ACVR1: variants seen among roughly 807,000 people sequenced by gnomAD.
ACVR1 encodes the protein activin receptor type-1.
ACVR1 carries 38 observed loss-of-function variants against 57.1 expected under a neutral mutation model. The ratio of observed to expected loss-of-function variants is 0.67; its 90% CI spans 0.51 to 0.87. The LOEUF (loss-of-function observed/expected upper bound fraction) is 0.87. Ranked by LOEUF, ACVR1 falls within the 40% of genes least tolerant of loss-of-function variation. The pLI is 0.00. For missense variants in ACVR1, 463 were observed against 638.2 expected, an observed-to-expected ratio of 0.73 and a Z score of 2.96; for synonymous variants, 212 against 228.1, an observed-to-expected ratio of 0.93 and a Z score of 0.63.
chr2:157,759,603 A>G (rs76249030), intron 9 of ACVR1, among the ~76,000 whole-genome samples: 1,712 of 152,202 alleles, frequency 0.011, 13 homozygotes, highest in Middle Eastern at 0.037. Context: ...GTCCAGAATC[A>G]CCCTGATACC....
rs373193107 is a variant in ACVR1 at position 157,871,901 on chromosome 2, C to G, written c.-183+3895G>C. The stretch of plus-strand genomic sequence containing the variant: ...CATCTGAACCAAAGGCTGTGATGTG[C>G]CAACCACACCAAACTGATGAGGCTC... On this transcript the variant is annotated intron_variant, in intron 1 of 10. Coordinates refer to ENST00000434821, the MANE Select transcript of ACVR1 (RefSeq NM_001111067.4). Among the ~76,000 whole-genome samples the G allele has an allele frequency of 3.6e-4, 55 of 152,266 alleles. No homozygotes were observed. The South Asian group carries it at 9.1e-3, about 25-fold the overall frequency.
At position 157,783,473 on chromosome 2, in the gene ACVR1, T is replaced by A. The variant is rs533651884; in HGVS notation, c.68-2873A>T. On this transcript the variant is annotated intron_variant, in intron 3 of 10. Transcript: ENST00000434821. ...GCTTTAATCCTGCAGGGTCACAAAC[T>A]AAATCAAAGAGATTCATCTGTTTAT... Among the ~76,000 whole-genome samples, 44 of 152,342 alleles carry A rather than the reference T, an allele frequency of 2.9e-4. No individual in the cohort carries two copies. In the South Asian group the frequency reaches 9.1e-3, roughly 32 times the overall value.
intron 3 of ACVR1, among the ~76,000 whole-genome samples, chr2:157,798,953 A>C (rs1244772197): frequency 6.6e-6 from 1 of 150,610 alleles, no homozygotes; most frequent in Non-Finnish European, 1.5e-5. Context: ...CTGGAGTTCA[A>C]TGTCGTGATC....
At chr2:157,766,987 T>C (rs1410995627) in intron 7 of ACVR1, among the ~76,000 whole-genome samples, 1 of 152,090 alleles carries the variant, frequency 6.6e-6, no homozygotes, top group East Asian at 1.9e-4. Context: ...GTAAAGTGAG[T>C]GACTGACAAA....
At chr2:157,758,917 G>C (rs1216717713) in intron 9 of ACVR1, among the ~76,000 whole-genome samples, 1 of 151,834 alleles carries the variant, frequency 6.6e-6, no homozygotes, top group African/African-American at 2.4e-5. Context: ...AAGAAATTAA[G>C]AAGGAAATAA....
intron 1 of ACVR1, among the ~76,000 whole-genome samples, chr2:157,841,187 A>C (rs949602252): frequency 3.2e-4 from 49 of 152,168 alleles, no homozygotes; most frequent in African/African-American, 1.2e-3. Context: ...AAGTTGAAAA[A>C]GATATAAATA....
chr2:157,803,823 A>G (rs565764862), intron 2 of ACVR1, among the ~76,000 whole-genome samples: 11 of 152,248 alleles, frequency 7.2e-5, no homozygotes, highest in African/African-American at 2.6e-4. Context: ...TGTAGGCTAC[A>G]TCTCTTGATA....
At chr2:157,766,517 A>G (rs906134603) in intron 7 of ACVR1, among the ~76,000 whole-genome samples, 1 of 152,216 alleles carries the variant, frequency 6.6e-6, no homozygotes, top group Non-Finnish European at 1.5e-5. Flanking sequence ...GCCCTTCAGC[A>G]TGTTGATATT....
chr2:157,780,196 G>A (rs1686450745), intron 4 of ACVR1, 141 bp downstream of exon 4: 8 of 1,225,642 alleles, frequency 6.5e-6, no homozygotes, highest in Non-Finnish European at 8.1e-6. Flanking sequence ...CTTCACCCAG[G>A]GTGACCTTCC....
chr2:157,795,514 A>T (rs1364817688), intron 3 of ACVR1, among the ~76,000 whole-genome samples: 2 of 151,886 alleles, frequency 1.3e-5, no homozygotes, highest in African/African-American at 4.8e-5. Flanking sequence ...TATAGCACTC[A>T]CTGGATATTC....
chr2:157,836,207 C>G (rs1688776975), intron 1 of ACVR1, among the ~76,000 whole-genome samples: 1 of 152,196 alleles, frequency 6.6e-6, no homozygotes, highest in Admixed American at 6.5e-5. Flanking sequence ...AAAACTGTGT[C>G]AGAAGAGGCA....
At chr2:157,858,544 T>C (rs1689617287) in intron 1 of ACVR1, among the ~76,000 whole-genome samples, 1 of 152,236 alleles carries the variant, frequency 6.6e-6, no homozygotes, top group East Asian at 1.9e-4. Context: ...CAACCTTGGC[T>C]CACTGCAACC....
At chr2:157,852,136 A>T (rs1689336903) in intron 1 of ACVR1, among the ~76,000 whole-genome samples, 1 of 152,044 alleles carries the variant, frequency 6.6e-6, no homozygotes, top group Non-Finnish European at 1.5e-5. Flanking sequence ...CTATTTCCAA[A>T]CTCAAGAGAA....
At chr2:157,795,635 T>C (rs1221161846) in intron 3 of ACVR1, among the ~76,000 whole-genome samples, 1 of 152,182 alleles carries the variant, frequency 6.6e-6, no homozygotes, top group African/African-American at 2.4e-5. Flanking sequence ...TAAGGGTCGA[T>C]CTATTTCCAT....
intron 3 of ACVR1, among the ~76,000 whole-genome samples, chr2:157,798,416 T>C (rs183837722): frequency 6.6e-6 from 1 of 151,886 alleles, no homozygotes; most frequent in Admixed American, 6.6e-5. Flanking sequence ...TTTTCGAAGA[T>C]GTTGAAGATT....
intron 2 of ACVR1, among the ~76,000 whole-genome samples, chr2:157,807,444 C>G (rs897727411): frequency 6.6e-6 from 1 of 152,134 alleles, no homozygotes; most frequent in Non-Finnish European, 1.5e-5. Flanking sequence ...CAAATAGCCA[C>G]GGTCCACCTG....
intron 2 of ACVR1, among the ~76,000 whole-genome samples, chr2:157,808,189 G>A (rs1412482273): frequency 6.6e-6 from 1 of 152,108 alleles, no homozygotes; most frequent in Non-Finnish European, 1.5e-5. Flanking sequence ...ATTTTTTATT[G>A]TGTTTCTCCC....
chr2:157,839,958 C>T lies in ACVR1; in HGVS notation c.-182-21399G>A, dbSNP rs531456361. Among the ~76,000 whole-genome samples, 7 of 152,310 alleles carry T rather than the reference C, an allele frequency of 4.6e-5. No individual in the cohort carries two copies. The South Asian group carries it at 1.5e-3, about 32-fold the overall frequency. On this transcript the variant is annotated intron_variant, in intron 1 of 10. Transcript: ENST00000434821. ...AACTGGGTCTGGGATACACCCCCTCCTATTCTGCATGCTGAGGTGTGGTTG... is the reference window on the plus strand; with the variant it reads ...AACTGGGTCTGGGATACACCCCCTCTTATTCTGCATGCTGAGGTGTGGTTG...
intron 9 of ACVR1, among the ~76,000 whole-genome samples, chr2:157,744,829 C>G (rs1684904863): frequency 6.6e-6 from 1 of 152,228 alleles, no homozygotes; most frequent in Non-Finnish European, 1.5e-5. Context: ...GAGGGGATGA[C>G]AGCCCGAGTT....
Sources: allele counts gnomAD v4.1 joint callset (sites outside exome capture counted in the v4.1 genomes callset), GRCh38; gene constraint gnomAD v4.1.1; transcripts MANE v1.5; gene names NCBI Gene and HGNC (gene_info 2026-07-23, HGNC 2026-07-21).